The following CHAMP1 variants were observed in gnomAD, a reference collection of about 807,000 sequenced individuals.
CHAMP1 encodes the protein chromosome alignment-maintaining phosphoprotein 1.
CHAMP1 carries 4 observed loss-of-function variants against 54.5 expected under a neutral mutation model. That is an observed-to-expected ratio of 0.07 (90% CI 0.04 to 0.17). CHAMP1 has a LOEUF of 0.17. Ranked by LOEUF, CHAMP1 falls within the 10% of genes least tolerant of loss-of-function variation. The pLI is 1.00. For synonymous variants in CHAMP1, 368 were observed against 342.2 expected, an observed-to-expected ratio of 1.08 and a Z score of -0.83; for missense variants, 994 against 968.6, an observed-to-expected ratio of 1.03 and a Z score of -0.35.
rs200252544 is a variant in CHAMP1, at chr13:114,326,237, C to G, written c.2395C>G (p.Leu799Val). ...SRHNEEANKK[L>V]MEALEPPLEE... ...GCATAATGAAGAGGCAAATAAAAAG[C>G]TAATGGAAGCTCTTGAACCGCCACT... Residue 799 changes from leucine to valine, a missense_variant, in exon 3 of 3, where the codon CTA (leucine) becomes GTA (valine). Coordinates refer to ENST00000361283, the MANE Select transcript of CHAMP1 (RefSeq NM_032436.4). The G allele has an allele frequency of 5.0e-6, 8 of 1,590,566 alleles. No homozygotes were observed. In the South Asian group the frequency reaches 8.0e-5, roughly 16 times the overall value.
At position 114,326,623 on chromosome 13, in the gene CHAMP1, GA is replaced by G. The variant is rs1390226177; in HGVS notation, c.*344del. The G allele has an allele frequency of 2.0e-5, 4 of 200,354 alleles. No individual in the cohort carries two copies. The highest frequency in any genetic ancestry group is 4.4e-5 in the Non-Finnish European group (4 of 91,376). 12.4% of individuals were successfully genotyped at this position (200,354 alleles called of 1,614,324 possible). Reference sequence around the variant, plus strand: ...TTCAGTTAAAGTGTATCTGTGTGTGGAACTAATTTCAGACAATAGAAAATAT... The same window carrying G: ...TTCAGTTAAAGTGTATCTGTGTGTGGACTAATTTCAGACAATAGAAAATAT... On this transcript the variant is annotated 3_prime_UTR_variant, in exon 3 of 3. Transcript: ENST00000361283.
At chr13:114,318,590 C>T (rs2087128945) in intron 1 of CHAMP1, among the ~76,000 whole-genome samples, 1 of 152,050 alleles carries the variant, frequency 6.6e-6, no homozygotes, top group African/African-American at 2.4e-5. Flanking sequence ...TTCCAGAGTG[C>T]TGGGATTACA....
At position 114,326,479 on chromosome 13, in the gene CHAMP1, A is replaced by G. The variant is rs1384821604; in HGVS notation, c.*198A>G. The G allele has an allele frequency of 1.1e-5, 6 of 551,028 alleles. No homozygotes were observed. Among genetic ancestry groups the G allele is most frequent in the African/African-American group, 7.8e-5 (4 of 51,598 alleles). The allele number at this position is 551,028 out of a possible 1,614,324, so 34.1% of individuals were successfully genotyped here. ...GTCTATGTGACTATCTTGTAAGTCA[A>G]TAAATTTCTGTATAGTCCAGATGGA... On this transcript the variant is annotated 3_prime_UTR_variant, in exon 3 of 3. Coordinates refer to ENST00000361283, the MANE Select transcript of CHAMP1 (RefSeq NM_032436.4).
chr13:114,315,437 G>A (rs561036103), intron 1 of CHAMP1, among the ~76,000 whole-genome samples: 27 of 152,114 alleles, frequency 1.8e-4, no homozygotes, highest in African/African-American at 6.3e-4. Context: ...GTTCATCGCA[G>A]CATTATTCAA....
At chr13:114,315,496 A>G (rs1052842454) in intron 1 of CHAMP1, among the ~76,000 whole-genome samples, 24 of 152,244 alleles carry the variant, frequency 1.6e-4, no homozygotes, top group Non-Finnish European at 4.4e-5. Flanking sequence ...TGTGGTATAT[A>G]CATATAATGA....
At position 114,325,110 on chromosome 13, in the gene CHAMP1, G is replaced by T. The variant is rs1555379703; in HGVS notation, c.1268G>T (p.Gly423Val). The T allele has an allele frequency of 3.7e-6, 6 of 1,613,992 alleles. No individual in the cohort carries two copies. In the African/African-American group the frequency reaches 4.0e-5, roughly 11 times the overall value. Residue 423 changes from glycine to valine, a missense_variant, in exon 3 of 3, where the codon GGC becomes GTC. Gly to Val is a moderately radical substitution (Grantham distance 109). Transcript: ENST00000361283. ...GTGTCTCCAGAGCTTCGCAAACCCGGCCCACCACTATCCCCAGAGATCCGT... is the reference window on the plus strand; with the variant it reads ...GTGTCTCCAGAGCTTCGCAAACCCGTCCCACCACTATCCCCAGAGATCCGT... Reference protein sequence around the residue: ...PPVSPELRKPGPPLSPEIRSP... With the variant: ...PPVSPELRKPVPPLSPEIRSP...
At position 114,324,125 on chromosome 13, in the gene CHAMP1, C is replaced by T. The variant is rs782652629; in HGVS notation, c.283C>T (p.Pro95Ser). The change falls in exon 3 of 3, where the codon CCA (proline) becomes TCA (serine). Residue 95 changes from proline to serine, a missense_variant. Physicochemically the swap from Pro to Ser is moderately conservative, Grantham distance 74 (BLOSUM62 -1). Around this residue, in one of 3 missense-constraint regions of CHAMP1, gnomAD observed 84 missense variants for 120.7 expected, o/e 0.70. Coordinates refer to ENST00000361283, the MANE Select transcript of CHAMP1 (RefSeq NM_032436.4). ...ATCCCCAGACAAATGGAATGATAAA[C>T]CAAAAAATCAGTTGAACAAAGAAAC... is the stretch of plus-strand genomic sequence containing the variant. ...HASPDKWNDKPKNQLNKETDP... is the reference protein window; with the variant it reads ...HASPDKWNDKSKNQLNKETDP... 4.3e-6 allele frequency: 7 copies of T among 1,613,966 alleles called. No individual in the cohort carries two copies. In the Admixed American group the frequency reaches 8.3e-5, roughly 19 times the overall value.
Position 114,315,834 on chromosome 13 carries a change from TG to T in CHAMP1, c.-179+1192del, listed in dbSNP as rs1001793332. ...TTAAAAATGATTAAATGGCAAGTTT[TG>T]TTTTTTTTTTTTTTTTTGAGACGGG... On this transcript the variant is annotated intron_variant, in intron 1 of 2. Coordinates refer to ENST00000361283, the MANE Select transcript of CHAMP1 (RefSeq NM_032436.4). 7.3e-5 allele frequency among the ~76,000 whole-genome samples: 11 copies of T among 150,556 alleles called. No homozygotes were observed. The East Asian group carries it at 7.8e-4, about 11-fold the overall frequency.
chr13:114,326,387 G>A lies in CHAMP1; in HGVS notation c.*106G>A. On this transcript the variant is annotated 3_prime_UTR_variant, in exon 3 of 3. Transcript: ENST00000361283. Reference sequence around the variant, plus strand: ...TGGATCAGTAGATGACATGTATGGTGTACCGTGTTTCACTGTCTCAGTTGT... The same window carrying A: ...TGGATCAGTAGATGACATGTATGGTATACCGTGTTTCACTGTCTCAGTTGT... 2.3e-6 allele frequency: 3 copies of A among 1,292,372 alleles called. No homozygotes were observed. Among genetic ancestry groups the A allele is most frequent in the East Asian group, 2.6e-5 (1 of 38,896 alleles). The allele number at this position is 1,292,372 out of a possible 1,614,324, so 80.1% of individuals were successfully genotyped here.
intron 1 of CHAMP1, among the ~76,000 whole-genome samples, chr13:114,316,369 G>A (rs2087099696): frequency 6.6e-6 from 1 of 151,730 alleles, no homozygotes; most frequent in South Asian, 2.1e-4. Flanking sequence ...CTCCACGTTG[G>A]TTAGGCTGCT....
Position 114,324,997 on chromosome 13 carries a change from A to G in CHAMP1, c.1155A>G (p.Ala385=). ...CCAGCTCCTGGAAGTCTCCCCCTGC[A>G]TCTCCTGAGTCATGGAAGTCTGGCC... The part of the protein sequence containing the change: ...VSPSSWKSPP[A]SPESWKSGPP... Residue 385 remains alanine, a synonymous_variant, in exon 3 of 3, where the codon GCA becomes GCG. Coordinates refer to ENST00000361283, the MANE Select transcript of CHAMP1 (RefSeq NM_032436.4). 6.2e-7 allele frequency: 1 copy of G among 1,614,010 alleles called. No individual in the cohort carries two copies.
At chr13:114,315,197 A>G (rs532589790) in intron 1 of CHAMP1, among the ~76,000 whole-genome samples, 107 of 152,330 alleles carry the variant, frequency 7.0e-4, no homozygotes, top group African/African-American at 2.4e-3. Context: ...CTAACCATTA[A>G]GGAAATGCAG....
At chr13:114,320,800 C>CA (rs1278891879) in intron 1 of CHAMP1, among the ~76,000 whole-genome samples, 2 of 151,984 alleles carry the variant, frequency 1.3e-5, no homozygotes, top group Non-Finnish European at 2.9e-5. Flanking sequence ...ACTAAAAATA[C>CA]AAAAAACTAG....
Position 114,324,324 on chromosome 13 carries a change from C to G in CHAMP1, c.482C>G (p.Ser161Cys), listed in dbSNP as rs1555379423. 1.9e-6 allele frequency: 3 copies of G among 1,614,110 alleles called. No homozygotes were observed. Among genetic ancestry groups the G allele is most frequent in the South Asian group, 2.2e-5 (2 of 91,084 alleles). Residue 161 changes from serine (S) to cysteine (C), a missense_variant, in exon 3 of 3, where the codon TCT (serine) becomes TGT (cysteine). Around this residue, in one of 3 missense-constraint regions of CHAMP1, gnomAD observed 851 missense variants for 701.3 expected, o/e 1.21. Coordinates refer to ENST00000361283, the MANE Select transcript of CHAMP1 (RefSeq NM_032436.4). ...CCCCTGGAGCCTCAGAAACCTGGCT[C>G]TGTTGTTTCTCCTGAGCTACAGACA... is the stretch of plus-strand genomic sequence containing the variant. ...LTPLEPQKPG[S>C]VVSPELQTPL...
In CHAMP1 at chr13:114,326,516, A is replaced by G. The variant is rs2087253828; in HGVS notation, c.*235A>G. 1 of 386,206 alleles carries G rather than the reference A, an allele frequency of 2.6e-6. No homozygotes were observed. Among genetic ancestry groups the G allele is most frequent in the African/African-American group, 2.1e-5 (1 of 47,914 alleles). The allele number at this position is 386,206 out of a possible 1,614,324, so 23.9% of individuals were successfully genotyped here. ...ATAGTCCAGATGGATTAAACTTCTC[A>G]TTTCTTTTAAATATGTATGAATAAT... On this transcript the variant is annotated 3_prime_UTR_variant, in exon 3 of 3. Coordinates refer to ENST00000361283, the MANE Select transcript of CHAMP1 (RefSeq NM_032436.4).
At chr13:114,318,171 T>A (rs1383638056) in intron 1 of CHAMP1, among the ~76,000 whole-genome samples, 2 of 152,144 alleles carry the variant, frequency 1.3e-5, no homozygotes, top group Non-Finnish European at 2.9e-5. Flanking sequence ...AAAACCAGAA[T>A]AAAAAAACTG....
At chr13:114,316,239 C>G (rs1247908891) in intron 1 of CHAMP1, among the ~76,000 whole-genome samples, 3 of 151,300 alleles carry the variant, frequency 2.0e-5, no homozygotes, top group Non-Finnish European at 4.4e-5. Context: ...TCTTGGCCCA[C>G]TGCAGCCTCC....
At position 114,324,748 on chromosome 13, in the gene CHAMP1, A is replaced by G. The variant is rs1439956341; in HGVS notation, c.906A>G (p.Arg302=). 1 of 1,613,766 alleles carries G rather than the reference A, an allele frequency of 6.2e-7. No individual in the cohort carries two copies. Among genetic ancestry groups the G allele is most frequent in the East Asian group, 2.2e-5 (1 of 44,880 alleles). The stretch of plus-strand genomic sequence containing the variant: ...CTGCTGTCTCCCCAGAGCCTAGGAG[A>G]CCAGCCCCCGCTGTGTCACCAGGCT... ...PFPAVSPEPR[R]PAPAVSPGSW... Residue 302 remains arginine (R), a synonymous_variant, in exon 3 of 3, where the codon AGA becomes AGG. Transcript: ENST00000361283.
At position 114,326,302 on chromosome 13, in the gene CHAMP1, T is replaced by C; in HGVS notation, c.*21T>C. 1 of 1,544,058 alleles carries C rather than the reference T, an allele frequency of 6.5e-7. No individual in the cohort carries two copies. The highest frequency in any genetic ancestry group is 8.7e-7 in the Non-Finnish European group (1 of 1,149,828). On this transcript the variant is annotated 3_prime_UTR_variant, in exon 3 of 3. Coordinates refer to ENST00000361283, the MANE Select transcript of CHAMP1 (RefSeq NM_032436.4). ...TTTGATAACACAGTGTGAATATTTGTTCTACAAAGGTGTTTGTTGGAACCA... is the reference window on the plus strand; with the variant it reads ...TTTGATAACACAGTGTGAATATTTGCTCTACAAAGGTGTTTGTTGGAACCA...
Sources: allele counts gnomAD v4.1 joint callset (sites outside exome capture counted in the v4.1 genomes callset), GRCh38; gene constraint gnomAD v4.1.1; regional missense constraint gnomAD v4.1.1; transcripts MANE v1.5; gene names NCBI Gene and HGNC (gene_info 2026-07-23, HGNC 2026-07-21).